DPH6: variants seen among roughly 807,000 people sequenced by gnomAD.
The protein encoded by DPH6 is diphthine--ammonia ligase.
In DPH6, 33 loss-of-function variants were observed where a neutral mutation model predicts 38.2. The observed-to-expected ratio is 0.86, with a 90% confidence interval of 0.65 to 1.15. DPH6 has a LOEUF of 1.15. DPH6 is among the 50% of genes most tolerant of loss of function. The pLI is 0.00. For missense variants in DPH6, 325 were observed against 320.0 expected (o/e 1.02, Z -0.12); for synonymous variants, 108 against 103.0 (o/e 1.05, Z -0.30).
intron 3 of DPH6, among the ~76,000 whole-genome samples, chr15:35,259,139 C>G: frequency 1.1e-5 from 1 of 88,362 alleles, no homozygotes; most frequent in African/African-American, 3.2e-5. Context: ...AGCAAGACTC[C>G]GTCTCAAAAA....
At chr15:35,503,646 T>C (rs1363559218) in intron 3 of DPH6, among the ~76,000 whole-genome samples, 1 of 152,150 alleles carries the variant, frequency 6.6e-6, no homozygotes, top group Admixed American at 6.6e-5. Context: ...GTTCAATTGA[T>C]TGTTCCTTTT....
At chr15:35,389,307 T>C (rs1326500959) in intron 6 of DPH6, among the ~76,000 whole-genome samples, 1 of 152,218 alleles carries the variant, frequency 6.6e-6, no homozygotes, top group Non-Finnish European at 1.5e-5. Context: ...CTGAAAAGAA[T>C]GTATATTCTG....
chr15:35,351,898 T>TTA (rs1429737474), intron 3 of DPH6, among the ~76,000 whole-genome samples: 1 of 151,976 alleles, frequency 6.6e-6, no homozygotes, highest in Non-Finnish European at 1.5e-5. Flanking sequence ...ATTAAAAAAA[T>TTA]TAATAGAGAT....
At chr15:35,345,978 A>G (rs1199032931) in intron 3 of DPH6, among the ~76,000 whole-genome samples, 1 of 151,990 alleles carries the variant, frequency 6.6e-6, no homozygotes, top group African/African-American at 2.4e-5. Context: ...ACTTGACAAA[A>G]TCTATATATT....
At chr15:35,148,514 C>T in the DPH6 span, among the ~76,000 whole-genome samples, 3 of 152,186 alleles carry the variant, frequency 2.0e-5, no homozygotes, top group African/African-American at 4.8e-5. Context: ...ACCATCCACT[C>T]AGTTATTCAC....
intron 3 of DPH6, among the ~76,000 whole-genome samples, chr15:35,473,969 CGT>C (rs2054233586): frequency 3.4e-5 from 5 of 147,664 alleles, no homozygotes; most frequent in African/African-American, 5.1e-5. Flanking sequence ...CGCGCGCGCG[CGT>C]GAGCTTTTGT....
intron 3 of DPH6, among the ~76,000 whole-genome samples, chr15:35,332,017 C>A (rs1288178853): frequency 6.6e-6 from 1 of 152,164 alleles, no homozygotes; most frequent in African/African-American, 2.4e-5. Context: ...ATAGATAGGA[C>A]AACAGCACAC....
intron 3 of DPH6, among the ~76,000 whole-genome samples, chr15:35,265,900 C>G (rs2051781103): frequency 3.3e-5 from 5 of 152,064 alleles, no homozygotes. Flanking sequence ...TAACAAAACA[C>G]CTAAATTGCT....
At chr15:35,484,283 A>C (rs1351193132) in intron 3 of DPH6, among the ~76,000 whole-genome samples, 1 of 152,218 alleles carries the variant, frequency 6.6e-6, no homozygotes, top group African/African-American at 2.4e-5. Context: ...TGCACAAGAA[A>C]CTACGCTAAA....
downstream of DPH6, among the ~76,000 whole-genome samples, chr15:35,328,639 T>C (rs2052303836): frequency 1.3e-5 from 2 of 152,220 alleles, no homozygotes; most frequent in Non-Finnish European, 2.9e-5. Flanking sequence ...TGTGAAATTA[T>C]GTAAAACTAA....
At chr15:35,243,173 AC>A (rs1319480893) in intron 3 of DPH6, among the ~76,000 whole-genome samples, 1 of 141,960 alleles carries the variant, frequency 7.0e-6, no homozygotes, top group Non-Finnish European at 1.5e-5. Flanking sequence ...CAATAATTCT[AC>A]ATGACAAATG....
At chr15:35,472,702 A>G (rs2054213252) in intron 3 of DPH6, among the ~76,000 whole-genome samples, 1 of 152,214 alleles carries the variant, frequency 6.6e-6, no homozygotes, top group Non-Finnish European at 1.5e-5. Flanking sequence ...AAAATTAGCC[A>G]AGGTAAAATG....
At chr15:35,201,562 T>C in the DPH6 span, among the ~76,000 whole-genome samples, 1 of 151,900 alleles carries the variant, frequency 6.6e-6, no homozygotes, top group Admixed American at 6.6e-5. Flanking sequence ...TTAATTGCTA[T>C]CTTTACAATA....
At chr15:35,268,443 T>G (rs551305178) in intron 3 of DPH6, among the ~76,000 whole-genome samples, 1 of 151,774 alleles carries the variant, frequency 6.6e-6, no homozygotes, top group East Asian at 1.9e-4. Context: ...ACATATTCAA[T>G]GCAGAGATGA....
intron 3 of DPH6, chr15:35,282,900 T>C (rs1191238295): frequency 5.8e-6 from 2 of 344,062 alleles, no homozygotes; most frequent in Non-Finnish European, 1.2e-5. Context: ...ACCATATAGA[T>C]GTTCCTGTTG....
downstream of DPH6, chr15:35,366,108 G>A (rs113370385): frequency 5.4e-5 from 43 of 795,654 alleles, no homozygotes; most frequent in African/African-American, 6.7e-4. Context: ...TATAGAGGCA[G>A]TGGCAGCATA....
intron 3 of DPH6, among the ~76,000 whole-genome samples, chr15:35,511,050 A>T (rs899820460): frequency 1.3e-5 from 2 of 152,184 alleles, no homozygotes; most frequent in Non-Finnish European, 2.9e-5. Context: ...GCAACCTCAG[A>T]CCAGCGGCCT....
intron 8 of DPH6, 194 bp from the exon 9 acceptor site, chr15:35,372,397 T>A: frequency 2.5e-6 from 1 of 401,520 alleles, no homozygotes; most frequent in Non-Finnish European, 4.3e-6. Flanking sequence ...AGGTGAACAG[T>A]GAGCTATTCG....
At chr15:35,200,033 T>C in the DPH6 span, among the ~76,000 whole-genome samples, 1 of 151,980 alleles carries the variant, frequency 6.6e-6, no homozygotes, top group Non-Finnish European at 1.5e-5. Flanking sequence ...AGGAAGTCAC[T>C]GTGGCTTCCT....
Sources: gnomAD v4.1 joint callset for allele counts (sites outside exome capture counted in the v4.1 genomes callset) on GRCh38, gnomAD v4.1.1 for gene constraint, MANE v1.5 for transcripts, NCBI Gene and HGNC (gene_info 2026-07-23, HGNC 2026-07-21) for gene names.